Variants in SLC38A10 observed in about 807,000 individuals in gnomAD.
SLC38A10 encodes solute carrier family 38 member 10.
A neutral mutation model predicts 81.0 loss-of-function variants in SLC38A10; 53 were observed. The ratio of observed to expected loss-of-function variants is 0.65; its 90% CI spans 0.53 to 0.82. The LOEUF (loss-of-function observed/expected upper bound fraction) is 0.82. Ranked by LOEUF, SLC38A10 falls within the 40% of genes least tolerant of loss-of-function variation. The pLI, the probability that SLC38A10 is intolerant of heterozygous loss-of-function variation, is 0.00. For missense variants in SLC38A10, 1,471 were observed against 1,545.0 expected (o/e 0.95, Z 0.80); for synonymous variants, 665 against 655.3 (o/e 1.01, Z -0.23).
rs568298117 is a variant in SLC38A10, at chr17:81,289,879, C to T, written c.100-71G>A. The stretch of plus-strand genomic sequence containing the variant: ...CCCAGAGGCCCTCACCCCACACACG[C>T]GGCTCATGAGGACCCTCTTCACCCC... On this transcript the variant is annotated intron_variant, in intron 1 of 15. Transcript: ENST00000374759. This position sits in a 1 kb window ranked among gnomAD's most constrained non-coding sequence, Gnocchi z 5.9. 24 of 1,315,044 alleles carry T rather than the reference C, an allele frequency of 1.8e-5. No homozygotes were observed. The highest frequency in any genetic ancestry group is 4.9e-5 in the Admixed American group (2 of 40,826). 81.5% of individuals were successfully genotyped at this position (1,315,044 alleles called of 1,614,324 possible). A position where few individuals can be genotyped will look rare whatever the true frequency, so the allele number is the denominator to read the frequency against.
intron 1 of SLC38A10, among the ~76,000 whole-genome samples, chr17:81,291,096 G>A (rs947488861): frequency 1.3e-5 from 2 of 152,352 alleles, no homozygotes; most frequent in Non-Finnish European, 1.5e-5. Context: ...ACTAGTGCGA[G>A]ACGTCAGTCA....
At chr17:81,248,024 C>G (rs1232467945) in intron 14 of SLC38A10, among the ~76,000 whole-genome samples, 1 of 126,062 alleles carries the variant, frequency 7.9e-6, no homozygotes, top group Non-Finnish European at 1.6e-5. Context: ...GTGGCGCGAT[C>G]TCAGCTCACT....
chr17:81,256,801 C>A (rs1361445918), intron 11 of SLC38A10, among the ~76,000 whole-genome samples: 1 of 152,262 alleles, frequency 6.6e-6, no homozygotes, highest in Non-Finnish European at 1.5e-5. Context: ...GAGCACACAG[C>A]TGACCAATGA....
chr17:81,292,498 G>C (rs1189340306), intron 1 of SLC38A10, among the ~76,000 whole-genome samples: 1 of 151,678 alleles, frequency 6.6e-6, no homozygotes, highest in Non-Finnish European at 1.5e-5. Context: ...TCAATGCCAA[G>C]GCTGCCAAAC....
chr17:81,294,979 G>C lies in SLC38A10; in HGVS notation c.-58C>G, dbSNP rs565788945. 1,174 of 1,517,010 alleles carry C rather than the reference G, an allele frequency of 7.7e-4. 14 individuals carry two copies. In the African/African-American group the frequency reaches 0.015, roughly 20 times the overall value. 94.0% of individuals were successfully genotyped at this position (1,517,010 alleles called of 1,614,324 possible). A position where few individuals can be genotyped will look rare whatever the true frequency, so the allele number is the denominator to read the frequency against. ...CTCGGGGGTCGCCGGGCTGCGGCCG[G>C]CTTTGGAAGCCCAGCCCGAGGCCAC... On this transcript the variant is annotated 5_prime_UTR_variant, in exon 1 of 16. Transcript: ENST00000374759.
chr17:81,252,167 T>C (rs571360569), intron 13 of SLC38A10, 28 bp downstream of exon 13: 3 of 1,494,294 alleles, frequency 2.0e-6, no homozygotes, highest in East Asian at 2.3e-5. Flanking sequence ...GGGAGTGTCT[T>C]CCGACACGAG....
At chr17:81,262,161 G>C (rs566565406) in intron 10 of SLC38A10, among the ~76,000 whole-genome samples, 1 of 152,256 alleles carries the variant, frequency 6.6e-6, no homozygotes, top group East Asian at 1.9e-4. Flanking sequence ...TGGGTGGTGT[G>C]GATGGCCGTG....
Position 81,280,803 on chromosome 17 carries a change from G to A in SLC38A10, c.502-70C>T, listed in dbSNP as rs993648062. 1.8e-5 allele frequency: 28 copies of A among 1,533,870 alleles called. No homozygotes were observed. The East Asian group carries it at 2.8e-4, about 15-fold the overall frequency. ...GGCGGGACTCAGCATCCCGGCCCAC[G>A]CGCCGCTAGGAAGGAGTGGCAGGAG... On this transcript the variant is annotated intron_variant, in intron 5 of 15. Coordinates refer to ENST00000374759, the MANE Select transcript of SLC38A10 (RefSeq NM_001037984.3).
In SLC38A10 at chr17:81,282,206, T is replaced by C. The variant is rs924324000; in HGVS notation, c.484A>G (p.Thr162Ala). 4.3e-6 allele frequency: 7 copies of C among 1,613,332 alleles called. No homozygotes were observed. In the African/African-American group the frequency reaches 8.0e-5, roughly 18 times the overall value. ...SFSAMALLFY[T>A]VFMFVIVLSS... ...CGACTCACCACGAACATGAACACGGTGTAGAAGAGGAGGGCCATGGCGCTG... is the reference window on the plus strand; with the variant it reads ...CGACTCACCACGAACATGAACACGGCGTAGAAGAGGAGGGCCATGGCGCTG... Residue 162 changes from threonine (T) to alanine (A), a missense_variant, in exon 5 of 16, where the codon ACC becomes GCC. Physicochemically the swap from Thr to Ala is moderately conservative, Grantham distance 58. This residue lies in a region of SLC38A10 where 720 missense variants were observed against 827.7 expected (regional missense o/e 0.87). Transcript: ENST00000374759.
At chr17:81,273,460 T>C (rs1326495228) in intron 8 of SLC38A10, among the ~76,000 whole-genome samples, 4 of 152,142 alleles carry the variant, frequency 2.6e-5, no homozygotes, top group Non-Finnish European at 5.9e-5. Flanking sequence ...CATCCAGCCG[T>C]GGTAAGGACC....
At position 81,251,575 on chromosome 17, in the gene SLC38A10, T is replaced by C. The variant is rs1161361468; in HGVS notation, c.1983A>G (p.Pro661=). 2 of 1,495,994 alleles carry C rather than the reference T, an allele frequency of 1.3e-6. No homozygotes were observed. Among genetic ancestry groups the C allele is most frequent in the Non-Finnish European group, 1.8e-6 (2 of 1,129,236 alleles). 92.7% of individuals were successfully genotyped at this position (1,495,994 alleles called of 1,614,324 possible). A position where few individuals can be genotyped will look rare whatever the true frequency, so the allele number is the denominator to read the frequency against. Residue 661 remains proline, a synonymous_variant, in exon 14 of 16, where the codon CCA becomes CCG. Transcript: ENST00000374759. ...GAGGCTCGGGCGGCAGCCCAGGCCC[T>C]GGAGCCGGCTTCTCCGCTGGGAGGG... ...KPPLPAEKPA[P]GPGLPPEPRE...
chr17:81,262,178 A>AG (rs1289480397), intron 10 of SLC38A10, among the ~76,000 whole-genome samples: 4 of 152,184 alleles, frequency 2.6e-5, no homozygotes, highest in African/African-American at 9.7e-5. Flanking sequence ...CGTGGCTTAG[A>AG]GGCCTGAGGC....
Position 81,281,113 on chromosome 17 carries a change from T to TA in SLC38A10, c.502-381dup, listed in dbSNP as rs2063208944. Among the ~76,000 whole-genome samples the TA allele has an allele frequency of 6.6e-6, 1 of 152,190 alleles. No homozygotes were observed. Among genetic ancestry groups the TA allele is most frequent in the South Asian group, 2.1e-4 (1 of 4,834 alleles). On this transcript the variant is annotated intron_variant, in intron 5 of 15. Transcript: ENST00000374759. This position sits in a 1 kb window ranked among gnomAD's most constrained non-coding sequence, Gnocchi z 5.3. ...GGTCCCTCCCCATCTTGTACTGTGT[T>TA]AGACATGGACATTTTCCAAAAGACT... is the stretch of plus-strand genomic sequence containing the variant.
chr17:81,250,180 A>C (rs2062897330), intron 14 of SLC38A10: 2 of 1,224,026 alleles, frequency 1.6e-6, no homozygotes, highest in African/African-American at 1.6e-5. Context: ...AATCAAAAGA[A>C]TCAAACAGGT....
At chr17:81,252,964 G>A in intron 12 of SLC38A10, 109 bp downstream of exon 12, 1 of 1,374,848 alleles carries the variant, frequency 7.3e-7, no homozygotes, top group Non-Finnish European at 9.9e-7. Flanking sequence ...CTGGGCTGAA[G>A]GGAAAAAGAT....
chr17:81,287,509 C>T (rs748106791), intron 2 of SLC38A10, among the ~76,000 whole-genome samples: 1 of 152,238 alleles, frequency 6.6e-6, no homozygotes, highest in South Asian at 2.1e-4. Flanking sequence ...GCAGCTGACG[C>T]GGAGCAGCTG....
chr17:81,258,554 C>G (rs935426039), intron 11 of SLC38A10, among the ~76,000 whole-genome samples: 3 of 152,144 alleles, frequency 2.0e-5, no homozygotes, highest in Admixed American at 2.0e-4. Context: ...TGGCTGGCAC[C>G]GAGAAGTCCA....
rs759678218 is a variant in SLC38A10 at position 81,252,318 on chromosome 17, GGGGCCGA to G, written c.1815_1821del (p.Pro607GlnfsTer96). On this transcript the variant is annotated frameshift_variant, in exon 13 of 16. Transcript: ENST00000374759. LOFTEE classifies it high-confidence loss of function. ...TTCTGCTGCTCAGACAGCACTGCCTGGGGCCGAGGATGCAGGCCCCTGTCTCCTGGCC... is the reference window on the plus strand; with the variant it reads ...TTCTGCTGCTCAGACAGCACTGCCTGGGATGCAGGCCCCTGTCTCCTGGCC... The G allele has an allele frequency of 1.2e-6, 2 of 1,612,552 alleles. No individual in the cohort carries two copies. Among genetic ancestry groups the G allele is most frequent in the Non-Finnish European group, 8.5e-7 (1 of 1,179,686 alleles).
rs1256031857 is a variant in SLC38A10 at position 81,253,754 on chromosome 17, T to TCAC, written c.1289-515_1289-514insGTG. Among the ~76,000 whole-genome samples, 1 of 50,984 alleles carries TCAC rather than the reference T, an allele frequency of 2.0e-5. No homozygotes were observed. The highest frequency in any genetic ancestry group is 1.7e-4 in the Admixed American group (1 of 5,844). The allele number at this position is 50,984 out of a possible 152,430, so 33.4% of individuals were successfully genotyped here. On this transcript the variant is annotated intron_variant, in intron 11 of 15. Transcript: ENST00000374759. This position sits in a 1 kb window ranked among gnomAD's most constrained non-coding sequence, Gnocchi z 4.1. ...TCCATCCCTACCACCATCACCATCATCATCACCGTCACCATCATCACCATC... is the reference window on the plus strand; with the variant it reads ...TCCATCCCTACCACCATCACCATCATCACCATCACCGTCACCATCATCACCATC...
Sources: allele counts gnomAD v4.1 joint callset (sites outside exome capture counted in the v4.1 genomes callset), GRCh38; gene constraint gnomAD v4.1.1; regional missense constraint gnomAD v4.1.1; non-coding constraint Gnocchi (gnomAD v3.1); transcripts MANE v1.5; gene names NCBI Gene and HGNC (gene_info 2026-07-23, HGNC 2026-07-21).